Variants in IMMP2L observed in about 807,000 individuals in gnomAD.
IMMP2L encodes the protein inner mitochondrial membrane peptidase subunit 2, also known as mitochondrial inner membrane protease subunit 2.
Under a neutral mutation model 19.3 loss-of-function variants are expected in IMMP2L, and 18 were observed. The ratio of observed to expected loss-of-function variants is 0.93; its 90% CI spans 0.64 to 1.38. The LOEUF is 1.38. Ranked by LOEUF, IMMP2L falls within the 40% of genes most tolerant of loss-of-function variation. The pLI, the probability that IMMP2L is intolerant of heterozygous loss-of-function variation, is 0.00. For synonymous variants in IMMP2L, 76 were observed against 73.0 expected, an observed-to-expected ratio of 1.04 and a Z score of -0.21; for missense variants, 233 against 218.2, an observed-to-expected ratio of 1.07 and a Z score of -0.43.
chr7:110,991,802 G>A (rs981315025), intron 3 of IMMP2L, among the ~76,000 whole-genome samples: 2 of 152,040 alleles, frequency 1.3e-5, no homozygotes, highest in Admixed American at 1.3e-4. Flanking sequence ...GGCACACATG[G>A]TTTCCACAAT....
chr7:111,318,379 T>C (rs890202520), intron 3 of IMMP2L, among the ~76,000 whole-genome samples: 9 of 152,096 alleles, frequency 5.9e-5, no homozygotes, highest in African/African-American at 2.2e-4. Flanking sequence ...GGGCTGGTGG[T>C]GAAATCTGGT....
At chr7:111,057,247 G>A (rs771869134) in intron 3 of IMMP2L, among the ~76,000 whole-genome samples, 3 of 152,094 alleles carry the variant, frequency 2.0e-5, no homozygotes, top group Non-Finnish European at 4.4e-5. Flanking sequence ...GCAGGCTGAT[G>A]CCTTCCATAA....
chr7:111,234,459 G>A (rs1025867564), intron 3 of IMMP2L, among the ~76,000 whole-genome samples: 1 of 152,070 alleles, frequency 6.6e-6, no homozygotes, highest in African/African-American at 2.4e-5. Context: ...TTTGCTTCAA[G>A]TATTTTGATG....
At chr7:111,257,184 T>A (rs775031897) in intron 3 of IMMP2L, among the ~76,000 whole-genome samples, 2 of 152,110 alleles carry the variant, frequency 1.3e-5, no homozygotes, top group Non-Finnish European at 2.9e-5. Context: ...GAACTCATAA[T>A]AATTCCAACT....
At chr7:110,754,731 G>A (rs10953667) in intron 5 of IMMP2L, among the ~76,000 whole-genome samples, 48,289 of 151,656 alleles carry the variant, frequency 0.32, 9,465 homozygotes, top group East Asian at 0.68. Context: ...TCAAGGTACT[G>A]TAATATATTT....
At chr7:110,789,029 G>T (rs1253079145) in intron 5 of IMMP2L, among the ~76,000 whole-genome samples, 1 of 151,772 alleles carries the variant, frequency 6.6e-6, no homozygotes, top group African/African-American at 2.4e-5. Flanking sequence ...TCACTTGCCT[G>T]GAAAGACGAC....
intron 5 of IMMP2L, among the ~76,000 whole-genome samples, chr7:110,815,088 T>C (rs1468704408): frequency 6.6e-6 from 1 of 152,108 alleles, no homozygotes; most frequent in Non-Finnish European, 1.5e-5. Context: ...TTCAGTATGA[T>C]ATTGGCTGTG....
rs370178263 is a variant in IMMP2L at position 111,251,326 on chromosome 7, A to T, written c.239+235912T>A. 4.9e-4 allele frequency among the ~76,000 whole-genome samples: 75 copies of T among 152,306 alleles called. 2 individuals are homozygous for T. Among genetic ancestry groups the T allele is most frequent in the Admixed American group, 1.6e-3 (25 of 15,296 alleles). Reference sequence around the variant, plus strand: ...TAAATTATTTCAACCATTGTGAAAAATAGTGTGGCAATTCCTCAAAGACCT... The same window carrying T: ...TAAATTATTTCAACCATTGTGAAAATTAGTGTGGCAATTCCTCAAAGACCT... On this transcript the variant is annotated intron_variant, in intron 3 of 5. Coordinates refer to ENST00000405709, the MANE Select transcript of IMMP2L (RefSeq NM_032549.4).
intron 3 of IMMP2L, among the ~76,000 whole-genome samples, chr7:111,301,687 T>C (rs572133698): frequency 2.0e-5 from 3 of 152,172 alleles, no homozygotes; most frequent in Admixed American, 1.3e-4. Context: ...GTCCAGTTTC[T>C]CCAGCATCAT....
intron 3 of IMMP2L, among the ~76,000 whole-genome samples, chr7:111,201,298 G>T (rs746357737): frequency 6.6e-6 from 1 of 151,036 alleles, no homozygotes; most frequent in Non-Finnish European, 1.5e-5. Flanking sequence ...AAAAAACTGC[G>T]TCAATTTCAG....
At chr7:110,897,543 A>G (rs1316892988) in intron 4 of IMMP2L, among the ~76,000 whole-genome samples, 1 of 152,222 alleles carries the variant, frequency 6.6e-6, no homozygotes, top group Non-Finnish European at 1.5e-5. Flanking sequence ...GGCAGCATCC[A>G]TAACATTTTA....
chr7:110,680,480 C>G (rs534051041), intron 5 of IMMP2L, among the ~76,000 whole-genome samples: 1 of 152,096 alleles, frequency 6.6e-6, no homozygotes, highest in Admixed American at 6.6e-5. Context: ...CAAAATAAAG[C>G]ATAATAAAAG....
At chr7:111,011,669 C>T (rs1824972432) in intron 3 of IMMP2L, among the ~76,000 whole-genome samples, 1 of 152,122 alleles carries the variant, frequency 6.6e-6, no homozygotes, top group Non-Finnish European at 1.5e-5. Context: ...ATTCTGAAAC[C>T]ATGCTGCACT....
intron 3 of IMMP2L, among the ~76,000 whole-genome samples, chr7:111,254,989 G>A (rs953419439): frequency 2.0e-5 from 3 of 151,804 alleles, no homozygotes; most frequent in African/African-American, 7.3e-5. Context: ...AATTATCCAC[G>A]ATCCTATAAC....
chr7:111,278,318 A>G (rs987083452), intron 3 of IMMP2L, among the ~76,000 whole-genome samples: 6 of 152,234 alleles, frequency 3.9e-5, no homozygotes, highest in African/African-American at 1.4e-4. Flanking sequence ...TATACTCTTT[A>G]TATGAGACAT....
At chr7:111,016,931 T>C (rs1423504675) in intron 3 of IMMP2L, among the ~76,000 whole-genome samples, 1 of 81,994 alleles carries the variant, frequency 1.2e-5, no homozygotes, top group Non-Finnish European at 2.2e-5. Flanking sequence ...TTATATATAC[T>C]AATATATATT....
intron 3 of IMMP2L, among the ~76,000 whole-genome samples, chr7:111,095,695 A>G (rs1047023691): frequency 1.3e-4 from 19 of 151,954 alleles, no homozygotes; most frequent in African/African-American, 3.6e-4. Context: ...ATCATCCACT[A>G]TAAGTTTTAA....
At chr7:111,139,684 G>T (rs1273982898) in intron 3 of IMMP2L, among the ~76,000 whole-genome samples, 2 of 152,006 alleles carry the variant, frequency 1.3e-5, no homozygotes, top group South Asian at 4.1e-4. Context: ...ATAAAATAGT[G>T]TCTATTCACT....
At chr7:110,694,385 A>G (rs1030181390) in intron 5 of IMMP2L, among the ~76,000 whole-genome samples, 1 of 152,074 alleles carries the variant, frequency 6.6e-6, no homozygotes, top group Non-Finnish European at 1.5e-5. Flanking sequence ...CCTAAATGAA[A>G]TCAGATACAA....
Sources: gnomAD v4.1 joint callset for allele counts (sites outside exome capture counted in the v4.1 genomes callset) on GRCh38, gnomAD v4.1.1 for gene constraint, MANE v1.5 for transcripts, NCBI Gene and HGNC (gene_info 2026-07-23, HGNC 2026-07-21) for gene names.